METTL15: variants seen among roughly 807,000 people sequenced by gnomAD.
METTL15 encodes the protein 12S rRNA N(4)-cytidine methyltransferase METTL15.
METTL15 carries 34 observed loss-of-function variants against 38.3 expected under a neutral mutation model. The ratio of observed to expected loss-of-function variants is 0.89; its 90% CI spans 0.68 to 1.18. The LOEUF is 1.18. Ranked by LOEUF, METTL15 falls within the 50% of genes most tolerant of loss-of-function variation. The probability of loss-of-function intolerance (pLI) is 0.00; values close to 1 mark genes in which losing one functional copy is unlikely to be tolerated. For synonymous variants in METTL15, 162 were observed against 170.9 expected (o/e 0.95, Z 0.41); for missense variants, 438 against 498.4 (o/e 0.88, Z 1.15).
intron 4 of METTL15, among the ~76,000 whole-genome samples, chr11:28,274,005 C>T (rs1855748188): frequency 6.6e-6 from 1 of 152,038 alleles, no homozygotes; most frequent in Non-Finnish European, 1.5e-5. Context: ...TACTAATATA[C>T]ACTTGCATAT....
At chr11:28,480,379 A>G (rs183201885) in intron 6 of METTL15, among the ~76,000 whole-genome samples, 1 of 152,250 alleles carries the variant, frequency 6.6e-6, no homozygotes, top group Non-Finnish European at 1.5e-5. Flanking sequence ...CATCTTACAG[A>G]TACAATAGAT....
intron 3 of METTL15, among the ~76,000 whole-genome samples, chr11:28,141,422 T>G (rs887755782): frequency 1.3e-5 from 2 of 152,026 alleles, no homozygotes; most frequent in African/African-American, 4.8e-5. Context: ...GGGAAGACTT[T>G]GACTTTGGGA....
At chr11:28,365,161 A>G (rs1053637436) in intron 5 of METTL15, among the ~76,000 whole-genome samples, 1 of 152,094 alleles carries the variant, frequency 6.6e-6, no homozygotes, top group Admixed American at 6.5e-5. Context: ...TGTCTCTGCC[A>G]TGTTGTGGTA....
chr11:28,476,492 T>C (rs1564941993), intron 6 of METTL15, among the ~76,000 whole-genome samples: 1 of 152,200 alleles, frequency 6.6e-6, no homozygotes, highest in South Asian at 2.1e-4. Context: ...TCATCTTCCT[T>C]GCAAGCCAAT....
chr11:28,413,798 A>T (rs1850749276), intron 5 of METTL15, among the ~76,000 whole-genome samples: 1 of 152,192 alleles, frequency 6.6e-6, no homozygotes, highest in South Asian at 2.1e-4. Flanking sequence ...CATTGTTTCA[A>T]CTAGAGAGAA....
At chr11:28,352,754 T>C (rs1285609198) in intron 4 of METTL15, among the ~76,000 whole-genome samples, 2 of 152,086 alleles carry the variant, frequency 1.3e-5, no homozygotes, top group Non-Finnish European at 2.9e-5. Flanking sequence ...GAGGTCAAGA[T>C]GAGGTGAAGC....
chr11:28,121,160 T>C (rs1305605101), intron 3 of METTL15, among the ~76,000 whole-genome samples: 3 of 152,318 alleles, frequency 2.0e-5, no homozygotes, highest in East Asian at 3.9e-4. Context: ...TTTAAAATTA[T>C]GGAGTGTATT....
chr11:28,287,662 A>G lies in METTL15; in HGVS notation c.408-2544A>G, dbSNP rs1590267359. On this transcript the variant is annotated intron_variant, in intron 4 of 6. Coordinates refer to ENST00000407364, the MANE Select transcript of METTL15 (RefSeq NM_001113528.2). ...GGAAGGAGCTATAATTTATATTTTT[A>G]ATATACATATATAAATAAATTAATT... is the stretch of plus-strand genomic sequence containing the variant. The G allele has an allele frequency of 3.2e-5, 5 of 154,346 alleles. No individual in the cohort carries two copies. In the Admixed American group the frequency reaches 3.3e-4, roughly 10 times the overall value. The allele number at this position is 154,346 out of a possible 1,614,324, so 9.6% of individuals were successfully genotyped here.
rs1237493228 is a variant in METTL15, at chr11:28,365,143, T to C, written c.*358+3107T>C. On this transcript the variant is annotated intron_variant and NMD_transcript_variant, in intron 5 of 7. Transcript: ENST00000532947. ...GGGATATTGGCCTGAAGTTTTCTTT[T>C]TTCATTGTGTCTCTGCCATGTTGTG... Among the ~76,000 whole-genome samples the C allele has an allele frequency of 2.6e-5, 4 of 152,184 alleles. No individual in the cohort carries two copies. The South Asian group carries it at 8.3e-4, about 31-fold the overall frequency.
At chr11:28,233,541 G>A (rs535040609) in intron 4 of METTL15, among the ~76,000 whole-genome samples, 7 of 151,804 alleles carry the variant, frequency 4.6e-5, no homozygotes, top group African/African-American at 1.7e-4. Flanking sequence ...ACTCTCTATT[G>A]TTGGGCAAGT....
intron 5 of METTL15, among the ~76,000 whole-genome samples, chr11:28,293,053 A>C (rs1412005266): frequency 2.6e-5 from 4 of 152,048 alleles, no homozygotes; most frequent in Admixed American, 6.6e-5. Flanking sequence ...GAAGCTCTTT[A>C]GTTTAATTAG....
chr11:28,200,731 A>C (rs1259592284), intron 3 of METTL15, among the ~76,000 whole-genome samples: 1 of 152,056 alleles, frequency 6.6e-6, no homozygotes, highest in Non-Finnish European at 1.5e-5. Flanking sequence ...GGTGTAAAGG[A>C]ATGCTTGTGA....
chr11:28,272,843 T>G (rs767472821), intron 4 of METTL15, among the ~76,000 whole-genome samples: 13 of 152,188 alleles, frequency 8.5e-5, no homozygotes. Context: ...GACTTCATGG[T>G]CTTAGAATTT....
chr11:28,297,990 A>G (rs1433622515), intron 6 of METTL15, among the ~76,000 whole-genome samples: 1 of 152,094 alleles, frequency 6.6e-6, no homozygotes, highest in African/African-American at 2.4e-5. Flanking sequence ...AAATAAGACT[A>G]TATTCTACTT....
intron 4 of METTL15, among the ~76,000 whole-genome samples, chr11:28,253,528 T>C (rs1418129937): frequency 6.6e-6 from 1 of 152,188 alleles, no homozygotes; most frequent in Non-Finnish European, 1.5e-5. Context: ...CCTATTTTAC[T>C]GTCAAATTCT....
intron 5 of METTL15, among the ~76,000 whole-genome samples, chr11:28,363,453 T>C (rs1805384228): frequency 2.0e-5 from 3 of 152,218 alleles, no homozygotes; most frequent in South Asian, 4.1e-4. Context: ...ATTACAGACA[T>C]GAGCCACTGC....
intron 5 of METTL15, among the ~76,000 whole-genome samples, chr11:28,378,357 G>A (rs905435148): frequency 4.6e-5 from 7 of 152,152 alleles, no homozygotes; most frequent in Non-Finnish European, 1.0e-4. Flanking sequence ...TAATCTCGTG[G>A]TGCATCGCTT....
At chr11:28,188,054 T>A (rs1851565669) in intron 3 of METTL15, among the ~76,000 whole-genome samples, 1 of 151,344 alleles carries the variant, frequency 6.6e-6, no homozygotes, top group South Asian at 2.1e-4. Flanking sequence ...TCATGGCCAG[T>A]AGATCAGGTT....
chr11:28,221,108 A>G (rs997716472), intron 4 of METTL15, among the ~76,000 whole-genome samples: 18 of 151,974 alleles, frequency 1.2e-4, no homozygotes, highest in African/African-American at 3.4e-4. Flanking sequence ...ATGTTGGCCT[A>G]CCTTGCTAGA....
Sources: gnomAD v4.1 joint callset for allele counts (sites outside exome capture counted in the v4.1 genomes callset) on GRCh38, gnomAD v4.1.1 for gene constraint, MANE v1.5 for transcripts, NCBI Gene and HGNC (gene_info 2026-07-23, HGNC 2026-07-21) for gene names.